The following FBXL17 variants were observed in gnomAD, a reference collection of about 807,000 sequenced individuals.
FBXL17 encodes the protein F-box and leucine rich repeat protein 17.
A neutral mutation model predicts 66.2 loss-of-function variants in FBXL17; 22 were observed. That is an observed-to-expected ratio of 0.33 (90% CI 0.24 to 0.47). The LOEUF (loss-of-function observed/expected upper bound fraction) is 0.47. FBXL17 is among the 20% of genes least tolerant of loss of function. The probability of loss-of-function intolerance (pLI) is 1.00; values close to 1 mark genes in which losing one functional copy is unlikely to be tolerated. For missense variants in FBXL17, 878 were observed against 948.2 expected (o/e 0.93, Z 0.97); for synonymous variants, 474 against 400.5 (o/e 1.18, Z -2.19).
intron 5 of FBXL17, 44 bp from the exon 6 acceptor site, chr5:108,186,291 C>CAG (rs745685163): frequency 8.4e-6 from 13 of 1,544,104 alleles, no homozygotes; most frequent in Non-Finnish European, 1.8e-6. Context: ...GTAAATGCTA[C>CAG]ATTCACTCTC....
chr5:107,949,372 G>A (rs1751423940), intron 7 of FBXL17, among the ~76,000 whole-genome samples: 1 of 152,146 alleles, frequency 6.6e-6, no homozygotes, highest in African/African-American at 2.4e-5. Context: ...TGTTATATAT[G>A]AAAGTTAAGG....
intron 7 of FBXL17, among the ~76,000 whole-genome samples, chr5:107,930,352 C>T (rs1750689242): frequency 2.6e-5 from 4 of 152,168 alleles, no homozygotes; most frequent in Admixed American, 2.6e-4. Context: ...TTTCTTTACC[C>T]AGCTGTTCTT....
At chr5:108,353,294 A>G (rs6879616) in intron 3 of FBXL17, among the ~76,000 whole-genome samples, 10,465 of 152,262 alleles carry the variant, frequency 0.069, 1,217 homozygotes, top group African/African-American at 0.24. Context: ...AACTCACCAG[A>G]AGAGAAACTA....
At chr5:108,368,199 T>A (rs186951892) in intron 1 of FBXL17, among the ~76,000 whole-genome samples, 12 of 151,954 alleles carry the variant, frequency 7.9e-5, no homozygotes, top group Admixed American at 3.3e-4. Context: ...TACTGACACG[T>A]GTTCATGCAT....
chr5:108,178,774 T>C (rs1412524687), intron 6 of FBXL17, among the ~76,000 whole-genome samples: 1 of 152,224 alleles, frequency 6.6e-6, no homozygotes, highest in East Asian at 1.9e-4. Context: ...CAGTCAGCAT[T>C]ATTTTTGCCA....
At chr5:107,947,252 C>G (rs1223508539) in intron 7 of FBXL17, among the ~76,000 whole-genome samples, 1 of 152,208 alleles carries the variant, frequency 6.6e-6, no homozygotes, top group Non-Finnish European at 1.5e-5. Context: ...TGTATTAAGA[C>G]TTTAGTTTTA....
intron 7 of FBXL17, among the ~76,000 whole-genome samples, chr5:107,930,043 A>G (rs1382072157): frequency 6.6e-6 from 1 of 152,154 alleles, no homozygotes; most frequent in Non-Finnish European, 1.5e-5. Context: ...CCATAGCAAC[A>G]GTCCCCTACC....
intron 2 of FBXL17, among the ~76,000 whole-genome samples, chr5:108,366,331 C>G (rs777260490): frequency 6.6e-6 from 1 of 151,966 alleles, no homozygotes; most frequent in Non-Finnish European, 1.5e-5. Context: ...TAATGTTATT[C>G]AAGTCCTTTC....
chr5:107,873,309 C>T (rs1420576349), intron 8 of FBXL17, among the ~76,000 whole-genome samples: 2 of 152,002 alleles, frequency 1.3e-5, no homozygotes, highest in African/African-American at 4.8e-5. Flanking sequence ...AGGCTGCAGG[C>T]CCCATGGGGT....
At chr5:108,183,900 G>A (rs1561452099) in intron 6 of FBXL17, among the ~76,000 whole-genome samples, 1 of 152,076 alleles carries the variant, frequency 6.6e-6, no homozygotes. Context: ...ATTTCATATG[G>A]TGAATATTAT....
In FBXL17 at chr5:108,309,602, T is replaced by C. The variant is rs185681068; in HGVS notation, c.1506+38797A>G. Among the ~76,000 whole-genome samples the C allele has an allele frequency of 1.2e-3, 182 of 152,178 alleles. 2 individuals carry two copies. Among genetic ancestry groups the C allele is most frequent in the Non-Finnish European group, 2.1e-3 (142 of 67,914 alleles). Reference sequence around the variant, plus strand: ...CCAGCCATAAATAACTAATGTTCTATTTGATTATTTATCTTAGAATAAAGT... The same window carrying C: ...CCAGCCATAAATAACTAATGTTCTACTTGATTATTTATCTTAGAATAAAGT... On this transcript the variant is annotated intron_variant, in intron 4 of 8. Coordinates refer to ENST00000542267, the MANE Select transcript of FBXL17 (RefSeq NM_001163315.3).
chr5:107,886,011 A>T (rs554869249), intron 7 of FBXL17, among the ~76,000 whole-genome samples: 1 of 152,330 alleles, frequency 6.6e-6, no homozygotes, highest in South Asian at 2.1e-4. Flanking sequence ...ACCCAAATAA[A>T]CAGCATAACC....
Position 108,366,987 on chromosome 5 carries a change from T to C in FBXL17, c.1116+844A>G, listed in dbSNP as rs149078189. On this transcript the variant is annotated intron_variant, in intron 2 of 8. Transcript: ENST00000542267. ...TGCATTCAATGGCATAACGTGTAGC[T>C]TGACACTGGTCATGGTGGGAGTATT... Among the ~76,000 whole-genome samples the C allele has an allele frequency of 6.6e-3, 1,003 of 152,222 alleles. 20 individuals are homozygous for C. The highest frequency in any genetic ancestry group is 0.023 in the African/African-American group (957 of 41,546).
chr5:107,973,827 G>C (rs1348262961), intron 7 of FBXL17, among the ~76,000 whole-genome samples: 1 of 145,292 alleles, frequency 6.9e-6, no homozygotes, highest in Non-Finnish European at 1.5e-5. Flanking sequence ...TTATGGTAAA[G>C]ACTTTGGGGG....
At chr5:108,317,617 C>A (rs1759431029) in intron 4 of FBXL17, among the ~76,000 whole-genome samples, 1 of 151,054 alleles carries the variant, frequency 6.6e-6, no homozygotes, top group African/African-American at 2.4e-5. Context: ...ATATAATACA[C>A]TAAAGGTTAA....
At chr5:108,050,083 T>A (rs1747411740) in intron 6 of FBXL17, among the ~76,000 whole-genome samples, 1 of 152,152 alleles carries the variant, frequency 6.6e-6, no homozygotes, top group Non-Finnish European at 1.5e-5. Flanking sequence ...CCCAGATTCA[T>A]AAAACAAGTC....
intron 7 of FBXL17, among the ~76,000 whole-genome samples, chr5:107,964,880 G>T (rs1387226125): frequency 6.6e-6 from 1 of 152,046 alleles, no homozygotes; most frequent in East Asian, 1.9e-4. Flanking sequence ...AGTGGTAGAG[G>T]CTTCCCTATT....
intron 6 of FBXL17, among the ~76,000 whole-genome samples, chr5:108,127,195 C>T (rs1750755524): frequency 6.6e-6 from 1 of 152,002 alleles, no homozygotes; most frequent in Non-Finnish European, 1.5e-5. Flanking sequence ...TGGAAGACAC[C>T]AACACTTATG....
chr5:108,139,587 T>G (rs1419233800), intron 6 of FBXL17, among the ~76,000 whole-genome samples: 1 of 152,170 alleles, frequency 6.6e-6, no homozygotes, highest in African/African-American at 2.4e-5. Context: ...TAATAGCAGC[T>G]CTTCCAAATT....
Sources: allele counts gnomAD v4.1 joint callset (sites outside exome capture counted in the v4.1 genomes callset), GRCh38; gene constraint gnomAD v4.1.1; transcripts MANE v1.5; gene names NCBI Gene and HGNC (gene_info 2026-07-23, HGNC 2026-07-21).